Variants in TNPO1 observed in about 807,000 individuals in gnomAD.
The protein encoded by TNPO1 is transportin-1.
In TNPO1, 8 loss-of-function variants were observed where a neutral mutation model predicts 119.5. The observed-to-expected ratio is 0.07, with a 90% CI of 0.04 to 0.12. The LOEUF is 0.12. Among genes scored for constraint, TNPO1 ranks in the 10% least tolerant of loss-of-function variants. TNPO1 has a pLI of 1.00. For missense variants in TNPO1, 576 were observed against 1,089.8 expected (o/e 0.53, Z 6.64); for synonymous variants, 362 against 363.0 (o/e 1.00, Z 0.03).
chr5:72,872,130 C>G (rs558975934), intron 6 of TNPO1, among the ~76,000 whole-genome samples: 6 of 152,088 alleles, frequency 3.9e-5, no homozygotes, highest in Non-Finnish European at 8.8e-5. Flanking sequence ...ATTTCATTAA[C>G]CCTGGTAAGA....
chr5:72,882,940 T>C, intron 10 of TNPO1, 124 bp from the exon 11 acceptor site: 1 of 749,446 alleles, frequency 1.3e-6, no homozygotes, highest in Non-Finnish European at 2.3e-6. Flanking sequence ...TCTTAATCAC[T>C]CTGGAAGTAT....
chr5:72,880,060 G>A (rs903981727), intron 9 of TNPO1, among the ~76,000 whole-genome samples: 21 of 152,222 alleles, frequency 1.4e-4, no homozygotes, highest in African/African-American at 4.1e-4. Flanking sequence ...GGCAGCACAT[G>A]CCTGTAATTC....
At chr5:72,867,683 C>T (rs1426996674) in intron 6 of TNPO1, among the ~76,000 whole-genome samples, 1 of 152,210 alleles carries the variant, frequency 6.6e-6, no homozygotes, top group East Asian at 1.9e-4. Context: ...ACTTCCCTTA[C>T]ATTTCTTGAT....
intron 7 of TNPO1, among the ~76,000 whole-genome samples, 154 bp downstream of exon 7, chr5:72,872,874 CTG>C (rs1222851177): frequency 6.6e-6 from 1 of 151,762 alleles, no homozygotes; most frequent in East Asian, 1.9e-4. Context: ...AGTATTAAAA[CTG>C]GATATGGGAT....
intron 4 of TNPO1, among the ~76,000 whole-genome samples, chr5:72,856,677 T>C (rs912801055): frequency 6.6e-6 from 1 of 152,264 alleles, no homozygotes; most frequent in Non-Finnish European, 1.5e-5. Context: ...TTTTTAAATA[T>C]AAGCCTTGTC....
intron 1 of TNPO1, among the ~76,000 whole-genome samples, chr5:72,829,568 T>G (rs573143136): frequency 9.2e-5 from 14 of 152,310 alleles, no homozygotes; most frequent in African/African-American, 2.9e-4. Flanking sequence ...CTTGGAGAAT[T>G]TCAGTAGCAA....
At chr5:72,840,264 G>A (rs550004500) in intron 1 of TNPO1, among the ~76,000 whole-genome samples, 3 of 152,108 alleles carry the variant, frequency 2.0e-5, no homozygotes, top group South Asian at 2.1e-4. Flanking sequence ...TTGAGTCCTC[G>A]CTTTGTTCAT....
intron 1 of TNPO1, among the ~76,000 whole-genome samples, chr5:72,845,169 G>A (rs1179605242): frequency 1.3e-5 from 2 of 151,704 alleles, no homozygotes; most frequent in African/African-American, 4.8e-5. Context: ...ATCTAAGGGA[G>A]CGAAATTTGA....
rs1437245969 is a variant in TNPO1, at chr5:72,895,448, T to C, written c.2144-1010T>C. ...TTGCCATTCGGGGAACATTTGCCAG[T>C]GTCTGGAGACATTTTGTTTGATGCT... On this transcript the variant is annotated intron_variant, in intron 18 of 24. Coordinates refer to ENST00000337273, the MANE Select transcript of TNPO1 (RefSeq NM_002270.4). 3.3e-5 allele frequency among the ~76,000 whole-genome samples: 5 copies of C among 152,070 alleles called. No homozygotes were observed. In the South Asian group the frequency reaches 6.2e-4, roughly 19 times the overall value.
chr5:72,887,989 T>C (rs1748777913), intron 12 of TNPO1, 89 bp from the exon 13 acceptor site: 4 of 1,260,714 alleles, frequency 3.2e-6, no homozygotes, highest in Non-Finnish European at 4.5e-6. Context: ...TATTCTGAAT[T>C]TTTTCATAGA....
At chr5:72,875,092 G>A (rs942173272) in intron 7 of TNPO1, among the ~76,000 whole-genome samples, 1 of 152,184 alleles carries the variant, frequency 6.6e-6, no homozygotes, top group African/African-American at 2.4e-5. Context: ...AAAATAGTCT[G>A]TTGTCCATTC....
chr5:72,884,349 T>A (rs1188444040), intron 11 of TNPO1, among the ~76,000 whole-genome samples: 1 of 152,180 alleles, frequency 6.6e-6, no homozygotes, highest in Non-Finnish European at 1.5e-5. Flanking sequence ...TAAACTACCA[T>A]TTCTCAAAAG....
At chr5:72,856,235 T>G (rs572700822) in intron 4 of TNPO1, among the ~76,000 whole-genome samples, 2 of 152,038 alleles carry the variant, frequency 1.3e-5, no homozygotes, top group Admixed American at 1.3e-4. Flanking sequence ...TAGAGTTCTG[T>G]TTGTTTTTTT....
At chr5:72,844,798 T>A (rs1056125496) in intron 1 of TNPO1, among the ~76,000 whole-genome samples, 17 of 152,322 alleles carry the variant, frequency 1.1e-4, no homozygotes, top group African/African-American at 3.6e-4. Flanking sequence ...GTCTGCTTTT[T>A]AAACTATATT....
chr5:72,833,284 A>G lies in TNPO1; in HGVS notation c.16-15101A>G, dbSNP rs977057593. ...TGTATTATGACAAACTAGTCCCAAG[A>G]TGTTTTTGCTTTAAGTGGAAGAATT... On this transcript the variant is annotated intron_variant, in intron 1 of 24. Transcript: ENST00000337273. Among the ~76,000 whole-genome samples, 41 of 152,182 alleles carry G rather than the reference A, an allele frequency of 2.7e-4. 1 individual carries two copies. Among genetic ancestry groups the G allele is most frequent in the Admixed American group, 2.7e-3 (41 of 15,290 alleles).
chr5:72,821,747 G>A (rs1448185118), intron 1 of TNPO1, among the ~76,000 whole-genome samples: 1 of 152,162 alleles, frequency 6.6e-6, no homozygotes, highest in Non-Finnish European at 1.5e-5. Context: ...AGAAAGGCCA[G>A]TAATAGATTC....
chr5:72,912,141 T>C lies in TNPO1; in HGVS notation c.*3468T>C, dbSNP rs1193612177. The C allele has an allele frequency of 6.6e-6, 1 of 152,560 alleles. No homozygotes were observed. Among genetic ancestry groups the C allele is most frequent in the Non-Finnish European group, 1.5e-5 (1 of 67,958 alleles). 9.5% of individuals were successfully genotyped at this position (152,560 alleles called of 1,614,324 possible). On this transcript the variant is annotated 3_prime_UTR_variant, in exon 25 of 25. Coordinates refer to ENST00000337273, the MANE Select transcript of TNPO1 (RefSeq NM_002270.4). ...AATAATCAACATGTAAATAATCTTT[T>C]AAGAGCCAGTTCTGATGCTTTACAT...
rs866560566 is a variant in TNPO1 at position 72,901,079 on chromosome 5, A to G, written c.2514+6A>G. On this transcript the variant is annotated splice_donor_region_variant and intron_variant, in intron 22 of 24. Transcript: ENST00000337273. Reference sequence around the variant, plus strand: ...ATCCCAGTGGCGTAATCCAAGTAAGATGTTCACAAAGATTTGTTTTTAATG... The same window carrying G: ...ATCCCAGTGGCGTAATCCAAGTAAGGTGTTCACAAAGATTTGTTTTTAATG... The G allele has an allele frequency of 4.4e-6, 7 of 1,579,114 alleles. No individual in the cohort carries two copies. In the Middle Eastern group the frequency reaches 8.7e-4, roughly 195 times the overall value.
chr5:72,861,925 T>G lies in TNPO1; in HGVS notation c.462+11T>G. ...TATAATACCTGTGAGGTAAGGATAT[T>G]TGTTTCATACATAATTGGGTGTTTT... On this transcript the variant is annotated intron_variant, in intron 5 of 24. Transcript: ENST00000337273. 6.3e-7 allele frequency: 1 copy of G among 1,588,698 alleles called. No individual in the cohort carries two copies. Among genetic ancestry groups the G allele is most frequent in the South Asian group, 1.1e-5 (1 of 90,490 alleles).
Sources: gnomAD v4.1 joint callset for allele counts (sites outside exome capture counted in the v4.1 genomes callset) on GRCh38, gnomAD v4.1.1 for gene constraint, MANE v1.5 for transcripts, NCBI Gene and HGNC (gene_info 2026-07-23, HGNC 2026-07-21) for gene names.